The following MICAL3 variants were observed in gnomAD, a reference collection of about 807,000 sequenced individuals.
MICAL3 encodes microtubule associated monooxygenase, calponin and LIM domain containing 3.
Under a neutral mutation model 207.4 loss-of-function variants are expected in MICAL3, and 62 were observed. The observed-to-expected ratio is 0.30, with a 90% CI of 0.24 to 0.37. The LOEUF (loss-of-function observed/expected upper bound fraction) is 0.37. Among genes scored for constraint, MICAL3 ranks in the 10% least tolerant of loss-of-function variants. The pLI is 1.00. For synonymous variants in MICAL3, 1,077 were observed against 1,069.3 expected, an observed-to-expected ratio of 1.01 and a Z score of -0.14; for missense variants, 2,368 against 2,635.6, an observed-to-expected ratio of 0.90 and a Z score of 2.22.
At chr22:17,980,391 C>T (rs60400664) in intron 1 of MICAL3, among the ~76,000 whole-genome samples, 2,706 of 152,288 alleles carry the variant, frequency 0.018, 27 homozygotes, top group Middle Eastern at 0.034. Context: ...TCAGAATTAA[C>T]GGCCTCCTCC....
chr22:17,891,734 G>A, intron 11 of MICAL3, 102 bp from the exon 12 acceptor site: 7 of 1,124,558 alleles, frequency 6.2e-6, no homozygotes, highest in Non-Finnish European at 6.5e-6. Flanking sequence ...AAATTACTGA[G>A]GGTAGGGACG....
At chr22:17,869,337 G>A (rs1556048079) in intron 17 of MICAL3, among the ~76,000 whole-genome samples, 1 of 152,136 alleles carries the variant, frequency 6.6e-6, no homozygotes, top group Non-Finnish European at 1.5e-5. Context: ...AAGGAGACCA[G>A]TGGTCCAAGT....
chr22:17,881,251 G>A, intron 16 of MICAL3: 1 of 1,612,400 alleles, frequency 6.2e-7, no homozygotes, highest in Non-Finnish European at 8.5e-7. Flanking sequence ...AGGGGGAGGA[G>A]ACAGGGTGAT....
chr22:17,894,864 A>T (rs971788319), intron 10 of MICAL3, among the ~76,000 whole-genome samples: 1 of 152,150 alleles, frequency 6.6e-6, no homozygotes, highest in Non-Finnish European at 1.5e-5. Context: ...TTGTCCTCAC[A>T]ATAATCCTGT....
intron 1 of MICAL3, among the ~76,000 whole-genome samples, chr22:17,926,266 G>A (rs115547873): frequency 0.013 from 1,972 of 152,316 alleles, 41 homozygotes; most frequent in African/African-American, 0.044. Flanking sequence ...CAGGACGTCT[G>A]TGCCCTCCCA....
chr22:17,796,538 G>A lies in MICAL3; in HGVS notation c.5651-5237C>T, dbSNP rs2061878358. The stretch of plus-strand genomic sequence containing the variant: ...AAGTGTGGCAGAGCCTGGAAAAGAA[G>A]CCAAATCTTCTTGCCCACTCTGAAC... On this transcript the variant is annotated intron_variant, in intron 29 of 31. Coordinates refer to ENST00000441493, the MANE Select transcript of MICAL3 (RefSeq NM_015241.3). The surrounding 1 kb of genome is among the most constrained non-coding windows in gnomAD (Gnocchi z 4.4). 1.3e-5 allele frequency among the ~76,000 whole-genome samples: 2 copies of A among 152,224 alleles called. 1 individual carries two copies. The highest frequency in any genetic ancestry group is 4.1e-4 in the South Asian group (2 of 4,836).
chr22:17,832,288 A>G, intron 20 of MICAL3, among the ~76,000 whole-genome samples, 181 bp from the exon 21 acceptor site: 1 of 152,214 alleles, frequency 6.6e-6, no homozygotes, highest in African/African-American at 2.4e-5. Flanking sequence ...ATGAGAAGCC[A>G]CCTACCCAAG....
At chr22:17,958,696 G>GTTTTTTTTTTTTT (rs1569147160) in intron 1 of MICAL3, among the ~76,000 whole-genome samples, 1 of 126,354 alleles carries the variant, frequency 7.9e-6, no homozygotes. Flanking sequence ...TGAGTTGTTG[G>GTTTTTTTTTTTTT]GTTTTTTTAT....
Position 17,889,042 on chromosome 22 carries a change from G to A in MICAL3, c.1883C>T (p.Pro628Leu), listed in dbSNP as rs866480057. Residue 628 changes from proline (P) to leucine (L), a missense_variant, in exon 13 of 32, where the codon CCC becomes CTC. Pro to Leu is a moderately conservative substitution (Grantham distance 98, BLOSUM62 -3). Transcript: ENST00000441493. ...QFYEMFKDSL[P>L]SSDTLDLNAE... ...CTCCTTCCAGGCCTTACCGCTAGAG[G>A]GGAGGGAGTCCTTAAACATCTCGTA... The A allele has an allele frequency of 1.2e-6, 2 of 1,602,682 alleles. No individual in the cohort carries two copies. The highest frequency in any genetic ancestry group is 4.5e-5 in the East Asian group (2 of 44,526).
chr22:17,998,009 A>C (rs947391622), intron 1 of MICAL3, among the ~76,000 whole-genome samples: 1 of 152,196 alleles, frequency 6.6e-6, no homozygotes, highest in African/African-American at 2.4e-5. Flanking sequence ...AAACTTAAGA[A>C]GGAAAACCTG....
intron 1 of MICAL3, among the ~76,000 whole-genome samples, chr22:18,020,372 C>T (rs777509362): frequency 1.1e-4 from 16 of 151,136 alleles, no homozygotes; most frequent in East Asian, 1.9e-4. Context: ...ACTGTCCAAA[C>T]GAGTGCACTT....
At chr22:17,987,456 C>T (rs1316833715) in intron 1 of MICAL3, among the ~76,000 whole-genome samples, 2 of 152,178 alleles carry the variant, frequency 1.3e-5, no homozygotes, top group African/African-American at 4.8e-5. Flanking sequence ...GACAAGTGAT[C>T]GGTGAGCCCT....
At chr22:17,842,197 T>C (rs900110244) in intron 19 of MICAL3, 180 bp from the exon 20 acceptor site, 2 of 620,258 alleles carry the variant, frequency 3.2e-6, no homozygotes, top group Non-Finnish European at 5.6e-6. Context: ...GGAATTTCAC[T>C]CTGCAGGAGA....
In MICAL3 at chr22:17,817,557, G is replaced by A. The variant is rs996999823; in HGVS notation, c.5104C>T (p.Leu1702Phe). 30 of 1,613,360 alleles carry A rather than the reference G, an allele frequency of 1.9e-5. No individual in the cohort carries two copies. The highest frequency in any genetic ancestry group is 2.4e-5 in the Non-Finnish European group (28 of 1,179,832). Residue 1702 changes from leucine to phenylalanine, a missense_variant, in exon 26 of 32, where the codon CTC (leucine) becomes TTC (phenylalanine). Physicochemically the swap from Leu to Phe is conservative, Grantham distance 22 (BLOSUM62 0). This residue lies in a region of MICAL3 where 1,770 missense variants were observed against 1,863.2 expected (regional missense o/e 0.95). Coordinates refer to ENST00000441493, the MANE Select transcript of MICAL3 (RefSeq NM_015241.3). ...SSGKSKKRSS[L>F]FSPRRNKKEK... ...TTCTTGTTTCTGCGGGGGGAGAAGA[G>A]TGACGACCTCTTCTTGCTCTTCCCA... is the stretch of plus-strand genomic sequence containing the variant.
Position 17,808,940 on chromosome 22 carries a change from A to G in MICAL3, c.5557-3T>C, listed in dbSNP as rs1397313056. The G allele has an allele frequency of 3.2e-6, 5 of 1,550,690 alleles. No individual in the cohort carries two copies. The highest frequency in any genetic ancestry group is 4.4e-6 in the Non-Finnish European group (5 of 1,147,790). On this transcript the variant is annotated splice_region_variant and splice_polypyrimidine_tract_variant and intron_variant, in intron 28 of 31. Transcript: ENST00000441493. ...TGCTGCAGCTGCCGCTGGATGATCTATGACAGACAGCACAGACTGAGCACC... is the reference window on the plus strand; with the variant it reads ...TGCTGCAGCTGCCGCTGGATGATCTGTGACAGACAGCACAGACTGAGCACC...
At chr22:17,965,961 C>A (rs1245434807) in intron 1 of MICAL3, among the ~76,000 whole-genome samples, 4 of 152,212 alleles carry the variant, frequency 2.6e-5, no homozygotes, top group Admixed American at 6.5e-5. Context: ...CGTGGGACTT[C>A]CATGTAGACA....
intron 19 of MICAL3, among the ~76,000 whole-genome samples, chr22:17,858,685 A>G (rs1926192435): frequency 6.6e-6 from 1 of 152,192 alleles, no homozygotes; most frequent in South Asian, 2.1e-4. Context: ...CTGACAGGGA[A>G]TTTATGAGAA....
intron 21 of MICAL3, among the ~76,000 whole-genome samples, chr22:17,829,332 A>G (rs1447138226): frequency 6.6e-6 from 1 of 151,740 alleles, no homozygotes; most frequent in African/African-American, 2.4e-5. Context: ...ATGCCCGACT[A>G]ATTTTTTATA....
rs190038808 is a variant in MICAL3, at chr22:17,817,323, C to T, written c.5338G>A (p.Val1780Ile). 1.7e-4 allele frequency: 270 copies of T among 1,600,038 alleles called. No individual in the cohort carries two copies. The African/African-American group carries it at 2.8e-3, about 16-fold the overall frequency. Residue 1780 changes from valine to isoleucine, a missense_variant, in exon 26 of 32, where the codon GTC (valine) becomes ATC (isoleucine). By Grantham distance (29) the Val-to-Ile change is conservative. This residue lies in a region of MICAL3 where 1,770 missense variants were observed against 1,863.2 expected (regional missense o/e 0.95). Transcript: ENST00000441493. The part of the protein sequence containing the change: ...VDSGKHRVLP[V>I]VRAELQLRRQ... ...GCTGCTGACGCACCTGCCCTTACGA[C>T]GGGAAGCACCCTGTGCTTTCCAGAG...
Sources: allele counts gnomAD v4.1 joint callset (sites outside exome capture counted in the v4.1 genomes callset), GRCh38; gene constraint gnomAD v4.1.1; regional missense constraint gnomAD v4.1.1; non-coding constraint Gnocchi (gnomAD v3.1); transcripts MANE v1.5; gene names NCBI Gene and HGNC (gene_info 2026-07-23, HGNC 2026-07-21).